MAMDC2: variants seen among roughly 807,000 people sequenced by gnomAD.
MAMDC2 encodes the protein MAM domain-containing protein 2.
A neutral mutation model predicts 89.8 loss-of-function variants in MAMDC2; 57 were observed. The ratio of observed to expected loss-of-function variants is 0.63; its 90% CI spans 0.51 to 0.79. The LOEUF (loss-of-function observed/expected upper bound fraction) is 0.79. MAMDC2 is among the 30% of genes least tolerant of loss of function. MAMDC2 has a pLI of 0.00. For synonymous variants in MAMDC2, 313 were observed against 293.4 expected (o/e 1.07, Z -0.68); for missense variants, 800 against 820.6 (o/e 0.97, Z 0.31).
At chr9:70,212,964 C>T (rs1340869556) in intron 11 of MAMDC2, among the ~76,000 whole-genome samples, 2 of 152,114 alleles carry the variant, frequency 1.3e-5, no homozygotes, top group African/African-American at 4.8e-5. Flanking sequence ...AGAGTCCAAA[C>T]CTGTTGGGAA....
chr9:70,134,416 T>C (rs1246083371), intron 7 of MAMDC2, among the ~76,000 whole-genome samples: 1 of 150,902 alleles, frequency 6.6e-6, no homozygotes, highest in East Asian at 2.0e-4. Context: ...GAGCAAGCCT[T>C]CCTTTTGGTC....
intron 2 of MAMDC2, among the ~76,000 whole-genome samples, chr9:70,064,782 T>C (rs1312451162): frequency 6.6e-6 from 1 of 152,198 alleles, no homozygotes; most frequent in Non-Finnish European, 1.5e-5. Flanking sequence ...TCTAGTTGTC[T>C]AATGAGGAAA....
chr9:70,174,297 G>A (rs1343529916), intron 11 of MAMDC2, among the ~76,000 whole-genome samples: 1 of 152,094 alleles, frequency 6.6e-6, no homozygotes, highest in Non-Finnish European at 1.5e-5. Context: ...TTACCCTCAC[G>A]GAACTTCTAG....
At chr9:70,091,871 C>T (rs1199881706) in intron 2 of MAMDC2, among the ~76,000 whole-genome samples, 1 of 152,162 alleles carries the variant, frequency 6.6e-6, no homozygotes, top group Non-Finnish European at 1.5e-5. Context: ...TTTCTCCCAA[C>T]TTTACTGTGA....
intron 2 of MAMDC2, among the ~76,000 whole-genome samples, chr9:70,053,813 A>C (rs1826966409): frequency 6.6e-6 from 1 of 152,100 alleles, no homozygotes; most frequent in Non-Finnish European, 1.5e-5. Flanking sequence ...TTTGAGGGAG[A>C]TAGAATTGCC....
chr9:70,075,448 G>A (rs1022941201), intron 2 of MAMDC2, among the ~76,000 whole-genome samples: 3 of 152,066 alleles, frequency 2.0e-5, no homozygotes, highest in Non-Finnish European at 2.9e-5. Context: ...ATCTGCAGGT[G>A]GATTATAAGG....
At chr9:70,196,563 A>G (rs1354990618) in intron 11 of MAMDC2, among the ~76,000 whole-genome samples, 1 of 152,092 alleles carries the variant, frequency 6.6e-6, no homozygotes, top group East Asian at 1.9e-4. Context: ...AGATTCAAAA[A>G]TAGGTTTGGA....
chr9:70,100,753 A>G (rs1828167972), intron 2 of MAMDC2, among the ~76,000 whole-genome samples: 2 of 152,234 alleles, frequency 1.3e-5, no homozygotes, highest in South Asian at 4.1e-4. Flanking sequence ...CTTTAACGTC[A>G]AAGGGCCAAT....
At chr9:70,181,351 A>G (rs1205928176) in intron 11 of MAMDC2, among the ~76,000 whole-genome samples, 1 of 152,170 alleles carries the variant, frequency 6.6e-6, no homozygotes. Context: ...TTTTGGTTCC[A>G]TATGAAATTT....
intron 11 of MAMDC2, among the ~76,000 whole-genome samples, chr9:70,189,158 T>C (rs2032824860): frequency 6.6e-6 from 1 of 152,210 alleles, no homozygotes; most frequent in Admixed American, 6.5e-5. Flanking sequence ...TTATTGGTAC[T>C]TTTTATTTCT....
At chr9:70,059,330 G>C (rs1025918931) in intron 2 of MAMDC2, among the ~76,000 whole-genome samples, 1 of 152,124 alleles carries the variant, frequency 6.6e-6, no homozygotes, top group Non-Finnish European at 1.5e-5. Flanking sequence ...CAGTGACGAA[G>C]GTACCCCTTA....
chr9:70,133,565 T>C (rs2030888028), intron 7 of MAMDC2, among the ~76,000 whole-genome samples: 1 of 152,204 alleles, frequency 6.6e-6, no homozygotes, highest in African/African-American at 2.4e-5. Context: ...CTTTAAATGG[T>C]TTAATTGCAT....
Position 70,129,313 on chromosome 9 carries a change from C to T in MAMDC2, c.901-2206C>T, listed in dbSNP as rs1403883662. ...ACAAGCTCTCTTCTCTTCTCTTTGCCTGCTTCCATCCACATAAGATGTGAC... is the reference window on the plus strand; with the variant it reads ...ACAAGCTCTCTTCTCTTCTCTTTGCTTGCTTCCATCCACATAAGATGTGAC... On this transcript the variant is annotated intron_variant, in intron 6 of 13. Coordinates refer to ENST00000377182, the MANE Select transcript of MAMDC2 (RefSeq NM_153267.5). Among the ~76,000 whole-genome samples, 3 of 152,178 alleles carry T rather than the reference C, an allele frequency of 2.0e-5. 1 individual carries two copies.
chr9:70,044,065 C>A lies in MAMDC2; in HGVS notation c.-133C>A. ...AAAGTTGGGCAGCTCAGAGCGCAAG[C>A]TTTGCCTCTCGACTTCTCCCTCCTT... On this transcript the variant is annotated 5_prime_UTR_variant, in exon 1 of 14. Transcript: ENST00000377182. 9.3e-7 allele frequency: 1 copy of A among 1,070,994 alleles called. No individual in the cohort carries two copies. Among genetic ancestry groups the A allele is most frequent in the Non-Finnish European group, 1.4e-6 (1 of 721,324 alleles). The allele number at this position is 1,070,994 out of a possible 1,614,324, so 66.3% of individuals were successfully genotyped here.
At position 70,111,863 on chromosome 9, in the gene MAMDC2, GA is replaced by G. The variant is rs1326841055; in HGVS notation, c.506-1131del. ...GTGACCCAGGACTAGTAACAGTGAT[GA>G]TTCAGGAGCTGTTATCTTCTTTTGG... On this transcript the variant is annotated intron_variant, in intron 4 of 13. Coordinates refer to ENST00000377182, the MANE Select transcript of MAMDC2 (RefSeq NM_153267.5). 3.9e-5 allele frequency among the ~76,000 whole-genome samples: 6 copies of G among 152,322 alleles called. No individual in the cohort carries two copies. The Middle Eastern group carries it at 0.01, about 259-fold the overall frequency.
At chr9:70,102,428 A>C (rs1828220622) in intron 2 of MAMDC2, among the ~76,000 whole-genome samples, 1 of 152,158 alleles carries the variant, frequency 6.6e-6, no homozygotes, top group Non-Finnish European at 1.5e-5. Flanking sequence ...ATGCTGCCAC[A>C]GTGATGGTGT....
chr9:70,151,865 C>T (rs2031591212), intron 9 of MAMDC2, among the ~76,000 whole-genome samples: 1 of 152,164 alleles, frequency 6.6e-6, no homozygotes, highest in Admixed American at 6.5e-5. Context: ...GCCTGGCACA[C>T]ATGTGTCACC....
chr9:70,096,291 T>C (rs1302673900), intron 2 of MAMDC2, among the ~76,000 whole-genome samples: 1 of 152,178 alleles, frequency 6.6e-6, no homozygotes, highest in East Asian at 1.9e-4. Flanking sequence ...GTGCTGGGAT[T>C]ACAGCTGTGA....
At chr9:70,122,212 A>G (rs910789144) in intron 5 of MAMDC2, among the ~76,000 whole-genome samples, 1 of 152,230 alleles carries the variant, frequency 6.6e-6, no homozygotes, top group African/African-American at 2.4e-5. Context: ...ACTTAGTGTC[A>G]GCAGTCTTGG....
Sources: gnomAD v4.1 joint callset for allele counts (sites outside exome capture counted in the v4.1 genomes callset) on GRCh38, gnomAD v4.1.1 for gene constraint, MANE v1.5 for transcripts, NCBI Gene and HGNC (gene_info 2026-07-23, HGNC 2026-07-21) for gene names.